Variants in AUNIP observed in about 807,000 individuals in gnomAD.
AUNIP encodes aurora kinase A and ninein interacting protein.
Under a neutral mutation model 12.2 loss-of-function variants are expected in AUNIP, and 16 were observed. The observed-to-expected ratio is 1.31, with a 90% CI of 0.88 to 1.99. The LOEUF is 1.99. Ranked by LOEUF, AUNIP falls within the 30% of genes most tolerant of loss-of-function variation. The pLI is 0.00. For missense variants in AUNIP, 411 were observed against 419.1 expected (o/e 0.98, Z 0.17); for synonymous variants, 142 against 154.8 (o/e 0.92, Z 0.61).
chr1:25,832,771 C>T (rs1174157863), downstream of AUNIP: 3 of 157,236 alleles, frequency 1.9e-5, no homozygotes, highest in African/African-American at 7.2e-5. Context: ...AAGAGCAAAC[C>T]ATCTTTCTTC....
In AUNIP at chr1:25,847,428, A is replaced by T. The variant is rs916655768; in HGVS notation, c.79-9874T>A. 3.3e-5 allele frequency among the ~76,000 whole-genome samples: 5 copies of T among 151,710 alleles called. No individual in the cohort carries two copies. The highest frequency in any genetic ancestry group is 4.8e-5 in the African/African-American group (2 of 41,286). On this transcript the variant is annotated intron_variant, in intron 1 of 2. Transcript: ENST00000374298. The surrounding 1 kb of genome is among the most constrained non-coding windows in gnomAD (Gnocchi z 4.2). ...AGGCATGCGCCACGATGCCAGCTAA[A>T]TTTTTTTTGTATTTTTAGTAGAGAT... is the stretch of plus-strand genomic sequence containing the variant.
At chr1:25,854,998 C>G (rs2048451093) in intron 1 of AUNIP, among the ~76,000 whole-genome samples, 1 of 148,584 alleles carries the variant, frequency 6.7e-6, no homozygotes, top group African/African-American at 2.5e-5. Context: ...ACTCTATCAC[C>G]CAGTCTGGAG....
chr1:25,838,622 G>A (rs4078825), intron 1 of AUNIP, among the ~76,000 whole-genome samples: 119,477 of 152,178 alleles, frequency 0.79, 47,172 homozygotes, highest in East Asian at 0.98. Flanking sequence ...AGGAGCAGTG[G>A]AACAGCACCA....
At position 25,834,220 on chromosome 1, in the gene AUNIP, A is replaced by T. The variant is rs2048278718; in HGVS notation, c.*773T>A. 7.1e-6 allele frequency: 7 copies of T among 985,220 alleles called. No homozygotes were observed. Among genetic ancestry groups the T allele is most frequent in the Non-Finnish European group, 7.2e-6 (6 of 829,888 alleles). 61.0% of individuals were successfully genotyped at this position (985,220 alleles called of 1,614,324 possible). A position where few individuals can be genotyped will look rare whatever the true frequency, so the allele number is the denominator to read the frequency against. ...ACCATTCTACCTCTCTTCTCTCCAC[A>T]CCTGGGTTGTGGGGAGATTTGCTAA... On this transcript the variant is annotated 3_prime_UTR_variant, in exon 3 of 3. Coordinates refer to ENST00000374298, the MANE Select transcript of AUNIP (RefSeq NM_024037.3).
chr1:25,859,067 C>T (rs1413758157), intron 1 of AUNIP, among the ~76,000 whole-genome samples: 1 of 152,076 alleles, frequency 6.6e-6, no homozygotes, highest in Non-Finnish European at 1.5e-5. Context: ...CCCAACAGCA[C>T]GCTCTTTCCT....
intron 1 of AUNIP, among the ~76,000 whole-genome samples, chr1:25,852,127 A>AT (rs1359778110): frequency 2.0e-5 from 3 of 151,678 alleles, no homozygotes; most frequent in Non-Finnish European, 2.9e-5. Context: ...TAATTTTTGT[A>AT]TTTTTTGGTA....
chr1:25,833,785 AAG>A (rs2048274747), downstream of AUNIP, among the ~76,000 whole-genome samples: 1 of 151,618 alleles, frequency 6.6e-6, no homozygotes, highest in African/African-American at 2.4e-5. Context: ...AAAAAAAAAA[AAG>A]AAGCAGTTCT....
chr1:25,853,467 G>T (rs2048437699), intron 1 of AUNIP, among the ~76,000 whole-genome samples: 1 of 151,954 alleles, frequency 6.6e-6, no homozygotes, highest in African/African-American at 2.4e-5. Context: ...TGTGGTGGTG[G>T]GCGCCTGTAA....
chr1:25,835,027 G>C lies in AUNIP; in HGVS notation c.1040C>G (p.Ser347Cys). Residue 347 changes from serine (S) to cysteine (C), a missense_variant, in exon 3 of 3, where the codon TCT becomes TGT. Coordinates refer to ENST00000374298, the MANE Select transcript of AUNIP (RefSeq NM_024037.3). ...GTGTCTGATAACTTGATTACCTTCA[G>C]AGTCCTGGGTAAAGAGCAAATCAGG... ...LKPDLLFTQD[S>C]EGNQVIRHQF The C allele has an allele frequency of 6.2e-7, 1 of 1,613,490 alleles. No homozygotes were observed.
intron 1 of AUNIP, among the ~76,000 whole-genome samples, chr1:25,840,476 G>A (rs2048341102): frequency 6.6e-6 from 1 of 152,118 alleles, no homozygotes; most frequent in African/African-American, 2.4e-5. Context: ...TCCAAATTTT[G>A]TGAAAATTAT....
chr1:25,849,592 T>C (rs926504849), intron 1 of AUNIP, among the ~76,000 whole-genome samples: 5 of 152,224 alleles, frequency 3.3e-5, no homozygotes, highest in Admixed American at 2.6e-4. Flanking sequence ...CTCTTTTTTA[T>C]TGCCAAATAA....
chr1:25,852,327 T>C (rs951428911), intron 1 of AUNIP, among the ~76,000 whole-genome samples: 3 of 152,178 alleles, frequency 2.0e-5, no homozygotes, highest in East Asian at 1.9e-4. Context: ...TTGATGTTGA[T>C]TGTTTTTCTT....
intron 1 of AUNIP, among the ~76,000 whole-genome samples, chr1:25,841,185 C>T (rs2048345153): frequency 6.6e-6 from 1 of 152,176 alleles, no homozygotes; most frequent in Admixed American, 6.6e-5. Context: ...CAAGGATCTA[C>T]CTCTATCTCA....
intron 1 of AUNIP, among the ~76,000 whole-genome samples, chr1:25,856,302 T>G (rs535965906): frequency 3.4e-4 from 52 of 150,752 alleles, no homozygotes; most frequent in African/African-American, 1.2e-3. Flanking sequence ...AGGCAGAGGC[T>G]GCAGTGACCC....
chr1:25,856,229 G>A (rs976500611), intron 1 of AUNIP, among the ~76,000 whole-genome samples: 3 of 151,896 alleles, frequency 2.0e-5, no homozygotes, highest in African/African-American at 7.3e-5. Context: ...GCCAGGTATG[G>A]TGGCACACGC....
chr1:25,844,147 C>T lies in AUNIP; in HGVS notation c.79-6593G>A, dbSNP rs978486847. Among the ~76,000 whole-genome samples, 5 of 152,142 alleles carry T rather than the reference C, an allele frequency of 3.3e-5. No homozygotes were observed. In the East Asian group the frequency reaches 9.6e-4, roughly 29 times the overall value. ...TATGTAGACAGTTGCGCTCTTGTTGCCCAGGCTGGAGTGCAGTGGCGCAAT... is the reference window on the plus strand; with the variant it reads ...TATGTAGACAGTTGCGCTCTTGTTGTCCAGGCTGGAGTGCAGTGGCGCAAT... On this transcript the variant is annotated intron_variant, in intron 1 of 2. Transcript: ENST00000374298.
rs748583629 is a variant in AUNIP at position 25,835,250 on chromosome 1, A to C, written c.817T>G (p.Ser273Ala). 1 of 1,614,226 alleles carries C rather than the reference A, an allele frequency of 6.2e-7. No individual in the cohort carries two copies. The highest frequency in any genetic ancestry group is 8.5e-7 in the Non-Finnish European group (1 of 1,180,036). The change falls in exon 3 of 3, where the codon TCC (serine) becomes GCC (alanine). Residue 273 changes from serine to alanine, a missense_variant. Physicochemically the swap from Ser to Ala is moderately conservative, Grantham distance 99. Coordinates refer to ENST00000374298, the MANE Select transcript of AUNIP (RefSeq NM_024037.3). ...TTGTCATTCTTTTCATTGTCCCAGGAAAACACAGAAACTGGACTACGGCTT... is the reference window on the plus strand; with the variant it reads ...TTGTCATTCTTTTCATTGTCCCAGGCAAACACAGAAACTGGACTACGGCTT... Reference protein sequence around the residue: ...KQSRSPVSVFSWDNEKNDKDS... With the variant: ...KQSRSPVSVFAWDNEKNDKDS...
intron 1 of AUNIP, among the ~76,000 whole-genome samples, chr1:25,848,217 CACTTT>C (rs1557454223): frequency 6.6e-6 from 1 of 152,154 alleles, no homozygotes; most frequent in Non-Finnish European, 1.5e-5. Context: ...GAATAGTCTA[CACTTT>C]AGCCAAATTG....
chr1:25,846,150 C>T (rs1185465593), intron 1 of AUNIP, among the ~76,000 whole-genome samples: 1 of 152,084 alleles, frequency 6.6e-6, no homozygotes, highest in African/African-American at 2.4e-5. Flanking sequence ...CCGGGTGCGG[C>T]GGCTCACGCC....
Sources: gnomAD v4.1 joint callset for allele counts (sites outside exome capture counted in the v4.1 genomes callset) on GRCh38, gnomAD v4.1.1 for gene constraint, Gnocchi (gnomAD v3.1) non-coding constraint, MANE v1.5 for transcripts, NCBI Gene and HGNC (gene_info 2026-07-23, HGNC 2026-07-21) for gene names.